C12orf56: variants seen among roughly 807,000 people sequenced by gnomAD.
C12orf56 encodes the protein chromosome 12 open reading frame 56, also known as uncharacterized protein C12orf56.
A neutral mutation model predicts 69.9 loss-of-function variants in C12orf56; 71 were observed. The ratio of observed to expected loss-of-function variants is 1.02; its 90% CI spans 0.84 to 1.24. The LOEUF (loss-of-function observed/expected upper bound fraction) is 1.24, where lower values mean the gene tolerates loss of function less well. Among genes scored for constraint, C12orf56 ranks in the 50% most tolerant of loss-of-function variants. C12orf56 has a pLI of 0.00. For synonymous variants in C12orf56, 276 were observed against 274.1 expected, an observed-to-expected ratio of 1.01 and a Z score of -0.07; for missense variants, 732 against 738.5, an observed-to-expected ratio of 0.99 and a Z score of 0.10.
At chr12:64,302,301 A>G (rs2038456075) in intron 6 of C12orf56, among the ~76,000 whole-genome samples, 1 of 152,080 alleles carries the variant, frequency 6.6e-6, no homozygotes, top group African/African-American at 2.4e-5. Flanking sequence ...GACATTTGGC[A>G]TATTATTCTC....
At position 64,318,693 on chromosome 12, in the gene C12orf56, G is replaced by A. The variant is rs747536776; in HGVS notation, c.776C>T (p.Ser259Phe). The A allele has an allele frequency of 1.3e-6, 2 of 1,537,146 alleles. No individual in the cohort carries two copies. Among genetic ancestry groups the A allele is most frequent in the South Asian group, 2.4e-5 (2 of 84,058 alleles). ...EFYLGNSLLDSPSQSNSNLEK... is the reference protein window; with the variant it reads ...EFYLGNSLLDFPSQSNSNLEK... ...TAAATTTGAGTTGCTCTGTGAAGGGGAATCTAAGAGGGAATTTCCTAAGTA... is the reference window on the plus strand; with the variant it reads ...TAAATTTGAGTTGCTCTGTGAAGGGAAATCTAAGAGGGAATTTCCTAAGTA... Residue 259 changes from serine to phenylalanine, a missense_variant, in exon 4 of 13, where the codon TCC (serine) becomes TTC (phenylalanine). Coordinates refer to ENST00000543942, the MANE Select transcript of C12orf56 (RefSeq NM_001170633.2).
chr12:64,274,246 G>T (rs555059180), intron 11 of C12orf56, among the ~76,000 whole-genome samples: 1 of 152,192 alleles, frequency 6.6e-6, no homozygotes, highest in Admixed American at 6.5e-5. Flanking sequence ...TGCAGGGAGG[G>T]GGGTGGTGGT....
intron 2 of C12orf56, among the ~76,000 whole-genome samples, chr12:64,346,193 G>A (rs1592473110): frequency 6.6e-6 from 1 of 152,154 alleles, no homozygotes; most frequent in African/African-American, 2.4e-5. Context: ...GCTGTCTATA[G>A]GCTGAGGAGC....
At chr12:64,389,832 C>G (rs753317781) in intron 1 of C12orf56, among the ~76,000 whole-genome samples, 3 of 152,150 alleles carry the variant, frequency 2.0e-5, no homozygotes, top group Non-Finnish European at 4.4e-5. Flanking sequence ...CTAACATGCT[C>G]TAAGCATCGG....
At chr12:64,355,246 C>A (rs1185493346) in intron 1 of C12orf56, among the ~76,000 whole-genome samples, 1 of 151,962 alleles carries the variant, frequency 6.6e-6, no homozygotes, top group Non-Finnish European at 1.5e-5. Context: ...TTTATAAAAT[C>A]TAAATCAAAG....
At chr12:64,314,631 A>G (rs982308100) in intron 4 of C12orf56, among the ~76,000 whole-genome samples, 1 of 150,214 alleles carries the variant, frequency 6.7e-6, no homozygotes, top group Non-Finnish European at 1.5e-5. Flanking sequence ...TTGATTTGAC[A>G]CTGCAGACAA....
intron 3 of C12orf56, among the ~76,000 whole-genome samples, chr12:64,320,431 G>A (rs2038756617): frequency 6.6e-6 from 1 of 152,098 alleles, no homozygotes; most frequent in African/African-American, 2.4e-5. Context: ...CCAAAGTGCT[G>A]GGATTACAGG....
chr12:64,279,747 C>T (rs1445784597), intron 8 of C12orf56, among the ~76,000 whole-genome samples: 1 of 152,192 alleles, frequency 6.6e-6, no homozygotes, highest in Non-Finnish European at 1.5e-5. Flanking sequence ...ACATTTCTCA[C>T]AAAAGCAGGA....
chr12:64,293,918 T>A (rs538131916), intron 6 of C12orf56, among the ~76,000 whole-genome samples: 2 of 152,338 alleles, frequency 1.3e-5, no homozygotes, highest in South Asian at 2.1e-4. Flanking sequence ...ACAGAGACGC[T>A]CTAAATCTTG....
At chr12:64,308,916 GA>G (rs555194039) in intron 5 of C12orf56, among the ~76,000 whole-genome samples, 2 of 57,958 alleles carry the variant, frequency 3.5e-5, no homozygotes, top group South Asian at 7.4e-4. Flanking sequence ...AAGAAAGAAA[GA>G]AAGAAAGAAA....
At chr12:64,344,414 AG>A (rs1483571305) in intron 2 of C12orf56, among the ~76,000 whole-genome samples, 1 of 152,230 alleles carries the variant, frequency 6.6e-6, no homozygotes, top group African/African-American at 2.4e-5. Flanking sequence ...GTAGGAATGC[AG>A]TAGGCTTCCT....
Position 64,265,136 on chromosome 12 carries a change from A to G in C12orf56, c.*2047T>C, listed in dbSNP as rs934607321. The G allele has an allele frequency of 2.0e-5, 3 of 152,246 alleles. No individual in the cohort carries two copies. Among genetic ancestry groups the G allele is most frequent in the Non-Finnish European group, 4.4e-5 (3 of 68,072 alleles). 9.4% of individuals were successfully genotyped at this position (152,246 alleles called of 1,614,324 possible). On this transcript the variant is annotated 3_prime_UTR_variant, in exon 13 of 13. Transcript: ENST00000543942. ...GTTGTCATCCTGCGGGTTCATCAGTACATTCTTTGTCCGGTTTGAGGTAAT... is the reference window on the plus strand; with the variant it reads ...GTTGTCATCCTGCGGGTTCATCAGTGCATTCTTTGTCCGGTTTGAGGTAAT...
rs2039671011 is a variant in C12orf56 at position 64,378,526 on chromosome 12, C to T, written c.252+11788G>A. The stretch of plus-strand genomic sequence containing the variant: ...TCAGCTCACTGCAACCTCTGCCTCC[C>T]AGGTTCAAGAGATTCTCATGCCTCA... On this transcript the variant is annotated intron_variant, in intron 1 of 12. Transcript: ENST00000543942. Among the ~76,000 whole-genome samples, 4 of 152,080 alleles carry T rather than the reference C, an allele frequency of 2.6e-5. No individual in the cohort carries two copies. In the South Asian group the frequency reaches 8.3e-4, roughly 32 times the overall value.
At chr12:64,390,168 C>T in intron 1 of C12orf56, 146 bp downstream of exon 1, 1 of 1,109,504 alleles carries the variant, frequency 9.0e-7, no homozygotes, top group Non-Finnish European at 1.2e-6. Flanking sequence ...TCCACAGCTT[C>T]CCTGTGTTCC....
At chr12:64,371,567 A>C (rs941147223) in intron 1 of C12orf56, among the ~76,000 whole-genome samples, 2 of 151,918 alleles carry the variant, frequency 1.3e-5, no homozygotes, top group Non-Finnish European at 2.9e-5. Flanking sequence ...GTGGTGGTTC[A>C]CATCTGTAAT....
intron 6 of C12orf56, among the ~76,000 whole-genome samples, chr12:64,302,461 T>G (rs903332422): frequency 6.6e-6 from 1 of 152,190 alleles, no homozygotes; most frequent in Non-Finnish European, 1.5e-5. Flanking sequence ...ATCAAGGACC[T>G]AGAAGCTAAT....
chr12:64,275,488 G>A, intron 9 of C12orf56, 116 bp from the exon 10 acceptor site: 1 of 503,648 alleles, frequency 2.0e-6, no homozygotes, highest in Non-Finnish European at 3.5e-6. Context: ...TTGAGACAAG[G>A]TCTCATGCTG....
intron 5 of C12orf56, among the ~76,000 whole-genome samples, chr12:64,311,469 A>C (rs891131990): frequency 2.0e-5 from 3 of 152,006 alleles, no homozygotes; most frequent in African/African-American, 7.2e-5. Flanking sequence ...GACGTTATGG[A>C]GGAGCCCCTC....
chr12:64,315,081 A>G (rs535771362), intron 4 of C12orf56, among the ~76,000 whole-genome samples: 1 of 147,772 alleles, frequency 6.8e-6, no homozygotes, highest in Non-Finnish European at 1.5e-5. Context: ...CTTCCTGAGT[A>G]ACTGGGATTC....
Sources: gnomAD v4.1 joint callset for allele counts (sites outside exome capture counted in the v4.1 genomes callset) on GRCh38, gnomAD v4.1.1 for gene constraint, MANE v1.5 for transcripts, NCBI Gene and HGNC (gene_info 2026-07-23, HGNC 2026-07-21) for gene names.